The following SLC12A5 variants were observed in gnomAD, a reference collection of about 807,000 sequenced individuals.
The protein encoded by SLC12A5 is K-Cl cotransporter 2.
In SLC12A5, 18 loss-of-function variants were observed where a neutral mutation model predicts 124.0. The observed-to-expected ratio is 0.15, with a 90% CI of 0.10 to 0.22. The LOEUF (loss-of-function observed/expected upper bound fraction) is 0.22, where lower values mean the gene tolerates loss of function less well. Ranked by LOEUF, SLC12A5 falls within the 10% of genes least tolerant of loss-of-function variation. The pLI, the probability that SLC12A5 is intolerant of heterozygous loss-of-function variation, is 1.00. For synonymous variants in SLC12A5, 589 were observed against 568.0 expected (o/e 1.04, Z -0.53); for missense variants, 867 against 1,478.7 (o/e 0.59, Z 6.78).
rs1290929959 is a variant in SLC12A5, at chr20:46,029,290, A to G, written c.-55A>G. On this transcript the variant is annotated 5_prime_UTR_variant, in exon 1 of 26. Coordinates refer to ENST00000243964, the MANE Select transcript of SLC12A5 (RefSeq NM_020708.5). ...ACGAGAGAGCGGCGAAGGCGGGTAGAGGGGCGCGGGCGAGGCGGCGCAGCC... is the reference window on the plus strand; with the variant it reads ...ACGAGAGAGCGGCGAAGGCGGGTAGGGGGGCGCGGGCGAGGCGGCGCAGCC... 3.9e-6 allele frequency: 6 copies of G among 1,519,054 alleles called. No homozygotes were observed. The highest frequency in any genetic ancestry group is 1.7e-4 in the Middle Eastern group (1 of 5,828). The allele number at this position is 1,519,054 out of a possible 1,614,324, so 94.1% of individuals were successfully genotyped here. A position where few individuals can be genotyped will look rare whatever the true frequency, so the allele number is the denominator to read the frequency against.
At position 46,040,617 on chromosome 20, in the gene SLC12A5, G is replaced by C; in HGVS notation, c.854+3G>C. Reference sequence around the variant, plus strand: ...GCCTTCGACCCACCCAACTTCCCGTGAGTGCTGCTGCTCTGAGCCCAAGGA... The same window carrying C: ...GCCTTCGACCCACCCAACTTCCCGTCAGTGCTGCTGCTCTGAGCCCAAGGA... On this transcript the variant is annotated splice_donor_region_variant and intron_variant, in intron 7 of 25. Transcript: ENST00000243964. 1 of 1,613,944 alleles carries C rather than the reference G, an allele frequency of 6.2e-7. No homozygotes were observed. The highest frequency in any genetic ancestry group is 8.5e-7 in the Non-Finnish European group (1 of 1,179,860).
chr20:46,032,123 G>A (rs2084457538), intron 1 of SLC12A5, among the ~76,000 whole-genome samples: 1 of 152,182 alleles, frequency 6.6e-6, no homozygotes, highest in African/African-American at 2.4e-5. Context: ...CTGGAGTCTG[G>A]CTCCGCGCTG....
intron 5 of SLC12A5, among the ~76,000 whole-genome samples, chr20:46,037,020 A>G (rs3746518): frequency 0.029 from 4,413 of 151,790 alleles, 170 homozygotes; most frequent in Admixed American, 0.12. Flanking sequence ...TCCACCATCC[A>G]ATTTTCTGAG....
At chr20:46,046,950 G>A (rs1177493775) in intron 14 of SLC12A5, among the ~76,000 whole-genome samples, 1 of 152,224 alleles carries the variant, frequency 6.6e-6, no homozygotes, top group African/African-American at 2.4e-5. Flanking sequence ...TAGGCCCTCG[G>A]GGGCAGACAG....
chr20:46,030,098 C>T lies in SLC12A5; in HGVS notation c.52+702C>T, dbSNP rs536494495. ...GTACTTCCTCCATAGATTTTCAGCTCTACTTTGCAGAATCTCTCTCTCGCT... is the reference window on the plus strand; with the variant it reads ...GTACTTCCTCCATAGATTTTCAGCTTTACTTTGCAGAATCTCTCTCTCGCT... On this transcript the variant is annotated intron_variant, in intron 1 of 25. Transcript: ENST00000243964. Among the ~76,000 whole-genome samples, 226 of 152,192 alleles carry T rather than the reference C, an allele frequency of 1.5e-3. 1 individual carries two copies. Among genetic ancestry groups the T allele is most frequent in the African/African-American group, 5.2e-3 (217 of 41,522 alleles).
Position 46,029,324 on chromosome 20 carries a change from A to G in SLC12A5, c.-21A>G. On this transcript the variant is annotated 5_prime_UTR_variant, in exon 1 of 26. Coordinates refer to ENST00000243964, the MANE Select transcript of SLC12A5 (RefSeq NM_020708.5). ...GGCGAGGCGGCGCAGCCATCCCCGG[A>G]CCAGGGGCCGCGCCGCCACCATGCT... The G allele has an allele frequency of 6.5e-7, 1 of 1,532,082 alleles. No individual in the cohort carries two copies. Among genetic ancestry groups the G allele is most frequent in the Non-Finnish European group, 8.8e-7 (1 of 1,137,990 alleles). 94.9% of individuals were successfully genotyped at this position (1,532,082 alleles called of 1,614,324 possible).
chr20:46,036,491 G>A, intron 4 of SLC12A5: 1 of 419,706 alleles, frequency 2.4e-6, no homozygotes, highest in Non-Finnish European at 4.5e-6. Flanking sequence ...GCTGGTCTGA[G>A]ACCAGGCTGG....
rs2145489026 is a variant in SLC12A5, at chr20:46,041,377, C to T, written c.903C>T (p.Val301=). The T allele has an allele frequency of 6.2e-7, 1 of 1,614,184 alleles. No homozygotes were observed. ...CGCTGTCTCGCCATGGCTTTGATGT[C>T]TGTGCCAAGCTGGCTTGGGAAGGAA... The part of the protein sequence containing the change: ...NRTLSRHGFD[V]CAKLAWEGNE... Residue 301 remains valine, a synonymous_variant, in exon 8 of 26, where the codon GTC becomes GTT. Coordinates refer to ENST00000243964, the MANE Select transcript of SLC12A5 (RefSeq NM_020708.5).
rs780021783 is a variant in SLC12A5, at chr20:46,035,384, C to T, written c.148-20C>T. ...CACTTGCTCCCCCAGCCTCCTAGCA[C>T]TGACACCCTCCCTCCATAGGAGGAG... is the stretch of plus-strand genomic sequence containing the variant. On this transcript the variant is annotated intron_variant, in intron 2 of 25. Coordinates refer to ENST00000243964, the MANE Select transcript of SLC12A5 (RefSeq NM_020708.5). 6.2e-7 allele frequency: 1 copy of T among 1,605,800 alleles called. No homozygotes were observed. The highest frequency in any genetic ancestry group is 1.1e-5 in the South Asian group (1 of 90,554).
Position 46,053,628 on chromosome 20 carries a change from C to T in SLC12A5, c.2598C>T (p.Asp866=), listed in dbSNP as rs1568867821. ...MRIFTVAQMD[D]NSIQMKKDLT... is the part of the protein sequence containing the mutation. ...TCTTCACTGTGGCCCAGATGGATGA[C>T]AATAGCATCCAGATGAAGAAGGATC... The change falls in exon 20 of 26, where the codon GAC becomes GAT. Residue 866 remains aspartate, a synonymous_variant. Coordinates refer to ENST00000243964, the MANE Select transcript of SLC12A5 (RefSeq NM_020708.5). The surrounding 1 kb of genome is among the most constrained non-coding windows in gnomAD (Gnocchi z 4.7). 1 of 1,613,884 alleles carries T rather than the reference C, an allele frequency of 6.2e-7. No homozygotes were observed. The highest frequency in any genetic ancestry group is 2.2e-5 in the East Asian group (1 of 44,880).
In SLC12A5 at chr20:46,056,106, G is replaced by A. The variant is rs1395102557; in HGVS notation, c.2788-44G>A. ...TGATAGCTCTTTGCAGGGCATGGGT[G>A]GTGACTCCCAGCAGAGCTGGCACCA... On this transcript the variant is annotated intron_variant, in intron 21 of 25. Coordinates refer to ENST00000243964, the MANE Select transcript of SLC12A5 (RefSeq NM_020708.5). This position sits in a 1 kb window ranked among gnomAD's most constrained non-coding sequence, Gnocchi z 4.3. 6.2e-7 allele frequency: 1 copy of A among 1,610,496 alleles called. No homozygotes were observed. Among genetic ancestry groups the A allele is most frequent in the African/African-American group, 1.3e-5 (1 of 74,848 alleles).
In SLC12A5 at chr20:46,043,212, T is replaced by A. The variant is rs1306640440; in HGVS notation, c.1126T>A (p.Ser376Thr). ...GATTGTGGAGAGGAGTGGGATGACC[T>A]CGGTGGGCCTGGCCGATGGCACTCC... Reference protein sequence around the residue: ...GVIVERSGMTSVGLADGTPID... With the variant: ...GVIVERSGMTTVGLADGTPID... The change falls in exon 9 of 26, where the codon TCG (serine) becomes ACG (threonine). Residue 376 changes from serine to threonine, a missense_variant. Coordinates refer to ENST00000243964, the MANE Select transcript of SLC12A5 (RefSeq NM_020708.5). The A allele has an allele frequency of 6.2e-7, 1 of 1,613,990 alleles. No homozygotes were observed. Among genetic ancestry groups the A allele is most frequent in the Non-Finnish European group, 8.5e-7 (1 of 1,179,962 alleles).
At position 46,035,860 on chromosome 20, in the gene SLC12A5, C is replaced by T; in HGVS notation, c.363C>T (p.Thr121=). ...GCGTCATCCTCTTCCTGCGGCTCACCTGGGTGGTGGGCATTGCAGGCATCA... is the reference window on the plus strand; with the variant it reads ...GCGTCATCCTCTTCCTGCGGCTCACTTGGGTGGTGGGCATTGCAGGCATCA... ...IFGVILFLRL[T]WVVGIAGIME... Residue 121 remains threonine (T), a synonymous_variant, in exon 4 of 26, where the codon ACC becomes ACT. Transcript: ENST00000243964. 1 of 1,614,152 alleles carries T rather than the reference C, an allele frequency of 6.2e-7. No homozygotes were observed. Among genetic ancestry groups the T allele is most frequent in the Non-Finnish European group, 8.5e-7 (1 of 1,179,992 alleles).
downstream of SLC12A5, among the ~76,000 whole-genome samples, chr20:46,024,064 T>A (rs2084377169): frequency 6.6e-6 from 1 of 151,930 alleles, no homozygotes. Context: ...TTCGCTGGGG[T>A]CGAAGTGAAA....
At chr20:46,039,969 A>C (rs180775940) in intron 6 of SLC12A5, among the ~76,000 whole-genome samples, 1 of 152,244 alleles carries the variant, frequency 6.6e-6, no homozygotes. Context: ...ATTAAGAATT[A>C]TAATTAACAA....
chr20:46,052,934 G>A (rs1186669269), intron 18 of SLC12A5, 23 bp from the exon 19 acceptor site: 2 of 1,592,604 alleles, frequency 1.3e-6, no homozygotes, highest in East Asian at 2.3e-5. Flanking sequence ...TCCCCCTCTG[G>A]CCCTCTCCTT....
intron 14 of SLC12A5, 84 bp from the exon 15 acceptor site, chr20:46,047,370 C>T (rs1436368001): frequency 7.0e-6 from 11 of 1,563,652 alleles, no homozygotes; most frequent in Non-Finnish European, 9.6e-6. Flanking sequence ...CATGCCCTGC[C>T]CCATCTCCCT....
At chr20:46,035,739 A>G (rs1029812483) in intron 3 of SLC12A5, 38 bp from the exon 4 acceptor site, 12 of 1,588,412 alleles carry the variant, frequency 7.6e-6, no homozygotes, top group Non-Finnish European at 1.0e-5. Context: ...GTTCGTAATG[A>G]TGAGGACTGC....
intron 1 of SLC12A5, among the ~76,000 whole-genome samples, chr20:46,031,685 G>A (rs1018152182): frequency 2.0e-5 from 3 of 152,146 alleles, no homozygotes; most frequent in African/African-American, 4.8e-5. Flanking sequence ...CCCAGGCCCC[G>A]GGGAGGCTTC....
Sources: gnomAD v4.1 joint callset for allele counts (sites outside exome capture counted in the v4.1 genomes callset) on GRCh38, gnomAD v4.1.1 for gene constraint, Gnocchi (gnomAD v3.1) non-coding constraint, MANE v1.5 for transcripts, NCBI Gene and HGNC (gene_info 2026-07-23, HGNC 2026-07-21) for gene names.